NEGR1: variants seen among roughly 807,000 people sequenced by gnomAD.
NEGR1 encodes the protein neuronal growth regulator 1.
Under a neutral mutation model 40.9 loss-of-function variants are expected in NEGR1, and 10 were observed. The observed-to-expected ratio is 0.24, with a 90% CI of 0.15 to 0.42. The LOEUF is 0.42. NEGR1 is among the 10% of genes least tolerant of loss of function. The pLI, the probability that NEGR1 is intolerant of heterozygous loss-of-function variation, is 1.00. For missense variants in NEGR1, 352 were observed against 438.9 expected (o/e 0.80, Z 1.77); for synonymous variants, 185 against 166.8 (o/e 1.11, Z -0.84).
chr1:71,646,855 T>C (rs1022605191), intron 4 of NEGR1, among the ~76,000 whole-genome samples: 1 of 151,830 alleles, frequency 6.6e-6, no homozygotes, highest in Non-Finnish European at 1.5e-5. Flanking sequence ...TCATACACAA[T>C]TGAATTAACA....
chr1:71,471,725 C>T (rs928127208), intron 6 of NEGR1, among the ~76,000 whole-genome samples: 1 of 152,076 alleles, frequency 6.6e-6, no homozygotes, highest in African/African-American at 2.4e-5. Context: ...CTTAACTTCC[C>T]TGCCCAAAAC....
intron 6 of NEGR1, among the ~76,000 whole-genome samples, chr1:71,469,375 A>G (rs994499386): frequency 1.3e-5 from 2 of 152,084 alleles, no homozygotes; most frequent in Admixed American, 1.3e-4. Flanking sequence ...CACATTGTAA[A>G]CTATTAAAAA....
At chr1:72,051,664 G>A (rs1450552568) in intron 1 of NEGR1, among the ~76,000 whole-genome samples, 3 of 151,376 alleles carry the variant, frequency 2.0e-5, no homozygotes, top group African/African-American at 2.4e-5. Context: ...GTCCACAGAC[G>A]GAGCACCTGT....
chr1:72,126,845 G>A (rs1048825753), intron 1 of NEGR1, among the ~76,000 whole-genome samples: 1 of 152,128 alleles, frequency 6.6e-6, no homozygotes, highest in African/African-American at 2.4e-5. Flanking sequence ...TGCTGTTGTA[G>A]GTTTGTCTCA....
chr1:71,781,292 A>T (rs1423692011), intron 2 of NEGR1, among the ~76,000 whole-genome samples: 1 of 152,188 alleles, frequency 6.6e-6, no homozygotes, highest in Non-Finnish European at 1.5e-5. Flanking sequence ...AGATGATTTT[A>T]GAAAGAATAA....
intron 6 of NEGR1, among the ~76,000 whole-genome samples, chr1:71,445,883 C>G (rs1372365199): frequency 6.6e-6 from 1 of 152,136 alleles, no homozygotes; most frequent in Non-Finnish European, 1.5e-5. Flanking sequence ...TGCTAAAGCT[C>G]TGTCACAGAA....
rs75591904 is a variant in NEGR1 at position 72,125,667 on chromosome 1, G to A, written c.176+156652C>T. On this transcript the variant is annotated intron_variant, in intron 1 of 6. Transcript: ENST00000357731. The stretch of plus-strand genomic sequence containing the variant: ...AAATGGACCAAATATAGCAGCTCAC[G>A]CTTATTGTATTCAAAGTATGAAGTA... Among the ~76,000 whole-genome samples the A allele has an allele frequency of 5.1e-4, 77 of 152,166 alleles. 4 individuals carry two copies. The East Asian group carries it at 0.014, about 28-fold the overall frequency.
chr1:72,191,818 A>AT (rs1652829951), intron 1 of NEGR1, among the ~76,000 whole-genome samples: 1 of 151,812 alleles, frequency 6.6e-6, no homozygotes, highest in Admixed American at 6.6e-5. Context: ...TGCCTAGGCC[A>AT]TGGGGTAGAG....
intron 3 of NEGR1, among the ~76,000 whole-genome samples, chr1:71,775,612 C>T (rs111934835): frequency 0.078 from 11,865 of 152,060 alleles, 543 homozygotes; most frequent in Non-Finnish European, 0.098. Flanking sequence ...TCCCAAAGTG[C>T]TGGGATTACA....
At chr1:71,568,329 G>A (rs1360629486) in intron 6 of NEGR1, among the ~76,000 whole-genome samples, 2 of 152,106 alleles carry the variant, frequency 1.3e-5, no homozygotes, top group African/African-American at 4.8e-5. Flanking sequence ...ATCATTTCTG[G>A]TAAATTTACA....
chr1:71,695,336 C>A (rs368087734), intron 4 of NEGR1, among the ~76,000 whole-genome samples: 1 of 151,672 alleles, frequency 6.6e-6, no homozygotes, highest in African/African-American at 2.4e-5. Flanking sequence ...AATGGCAAAA[C>A]TGATTGTTTA....
intron 6 of NEGR1, among the ~76,000 whole-genome samples, chr1:71,543,531 A>G (rs946112833): frequency 2.0e-5 from 3 of 151,710 alleles, no homozygotes; most frequent in Non-Finnish European, 4.4e-5. Flanking sequence ...TTTAGTTACA[A>G]AATGATTCCT....
At chr1:71,438,339 C>G (rs530595109) in intron 6 of NEGR1, among the ~76,000 whole-genome samples, 1 of 152,116 alleles carries the variant, frequency 6.6e-6, no homozygotes, top group Non-Finnish European at 1.5e-5. Flanking sequence ...AGAATCTTTC[C>G]TTATTGTAAT....
At chr1:72,206,473 T>C (rs1221067282) in intron 1 of NEGR1, among the ~76,000 whole-genome samples, 1 of 152,138 alleles carries the variant, frequency 6.6e-6, no homozygotes, top group East Asian at 1.9e-4. Flanking sequence ...CTGCTATTTA[T>C]ACAACTTGCT....
intron 3 of NEGR1, among the ~76,000 whole-genome samples, chr1:71,734,179 C>A (rs970223442): frequency 2.2e-4 from 33 of 152,284 alleles, no homozygotes; most frequent in African/African-American, 7.9e-4. Context: ...GGTTCAACAT[C>A]TTCACCAAAA....
At chr1:71,767,526 G>T (rs1289755129) in intron 3 of NEGR1, among the ~76,000 whole-genome samples, 3 of 152,118 alleles carry the variant, frequency 2.0e-5, no homozygotes, top group African/African-American at 7.2e-5. Context: ...GCAAAGAAAT[G>T]ACCTGGAACT....
At chr1:71,787,335 C>T (rs1656948434) in intron 2 of NEGR1, among the ~76,000 whole-genome samples, 1 of 152,112 alleles carries the variant, frequency 6.6e-6, no homozygotes, top group South Asian at 2.1e-4. Context: ...TAAAACTTCC[C>T]ATGATGGCCA....
At chr1:72,114,420 C>T (rs1326817188) in intron 1 of NEGR1, among the ~76,000 whole-genome samples, 4 of 151,492 alleles carry the variant, frequency 2.6e-5, no homozygotes, top group Non-Finnish European at 3.0e-5. Flanking sequence ...TGAGCCAATT[C>T]CTTAAAATAA....
chr1:71,941,189 A>C (rs1645955843), intron 1 of NEGR1, among the ~76,000 whole-genome samples: 2 of 152,164 alleles, frequency 1.3e-5, no homozygotes. Flanking sequence ...GCATATTAAC[A>C]GAGTTCAGAA....
Sources: allele counts gnomAD v4.1 joint callset (sites outside exome capture counted in the v4.1 genomes callset), GRCh38; gene constraint gnomAD v4.1.1; transcripts MANE v1.5; gene names NCBI Gene and HGNC (gene_info 2026-07-23, HGNC 2026-07-21).